DLG2: variants seen among roughly 807,000 people sequenced by gnomAD.
DLG2 encodes discs large MAGUK scaffold protein 2, also known as disks large homolog 2.
Under a neutral mutation model 132.5 loss-of-function variants are expected in DLG2, and 45 were observed. The ratio of observed to expected loss-of-function variants is 0.34; its 90% CI spans 0.27 to 0.44. The LOEUF (loss-of-function observed/expected upper bound fraction) is 0.44, where lower values mean the gene tolerates loss of function less well. Among genes scored for constraint, DLG2 ranks in the 20% least tolerant of loss-of-function variants. The pLI, the probability that DLG2 is intolerant of heterozygous loss-of-function variation, is 1.00. For synonymous variants in DLG2, 424 were observed against 419.6 expected, an observed-to-expected ratio of 1.01 and a Z score of -0.13; for missense variants, 1,045 against 1,196.9, an observed-to-expected ratio of 0.87 and a Z score of 1.87.
At chr11:84,109,708 G>T (rs746727155) in intron 9 of DLG2, among the ~76,000 whole-genome samples, 1 of 152,166 alleles carries the variant, frequency 6.6e-6, no homozygotes, top group African/African-American at 2.4e-5. Context: ...TAATAATGGA[G>T]TGAGTTCCTC....
At chr11:83,545,243 C>T (rs1251844006) in intron 19 of DLG2, among the ~76,000 whole-genome samples, 1 of 152,090 alleles carries the variant, frequency 6.6e-6, no homozygotes, top group Non-Finnish European at 1.5e-5. Flanking sequence ...GTAAAACTGG[C>T]ATAAATCATA....
intron 6 of DLG2, among the ~76,000 whole-genome samples, chr11:84,924,984 G>A (rs1018417149): frequency 5.9e-5 from 9 of 152,126 alleles, no homozygotes; most frequent in African/African-American, 2.2e-4. Flanking sequence ...ATTTCCTGCA[G>A]CTCTTCCTAA....
chr11:85,355,664 AT>A (rs1393547462), intron 3 of DLG2, among the ~76,000 whole-genome samples: 1 of 152,116 alleles, frequency 6.6e-6, no homozygotes, highest in Non-Finnish European at 1.5e-5. Context: ...CTAATTTTTT[AT>A]TTTTAATAAA....
At chr11:85,360,644 C>T (rs2084071844) in intron 3 of DLG2, among the ~76,000 whole-genome samples, 2 of 152,182 alleles carry the variant, frequency 1.3e-5, no homozygotes, top group South Asian at 4.1e-4. Flanking sequence ...TCCCACCACA[C>T]AGGAGGCTCC....
chr11:84,366,297 A>G (rs1329374287), intron 7 of DLG2, among the ~76,000 whole-genome samples: 5 of 152,108 alleles, frequency 3.3e-5, no homozygotes, highest in Admixed American at 6.6e-5. Context: ...CTGCCCTACA[A>G]GAGCTCCTGA....
chr11:83,791,051 G>A (rs1391361370), intron 17 of DLG2: 12 of 717,604 alleles, frequency 1.7e-5, no homozygotes, highest in Middle Eastern at 2.5e-4. Context: ...ACTGAAGGTC[G>A]TGGAAATCCT....
intron 2 of DLG2, among the ~76,000 whole-genome samples, chr11:85,618,919 C>T (rs191612153): frequency 6.6e-6 from 1 of 152,272 alleles, no homozygotes; most frequent in East Asian, 1.9e-4. Context: ...CCCAGAAGTT[C>T]ACACATTTTC....
At chr11:84,575,074 A>T (rs1019729476) in intron 6 of DLG2, among the ~76,000 whole-genome samples, 2 of 152,198 alleles carry the variant, frequency 1.3e-5, no homozygotes, top group Non-Finnish European at 2.9e-5. Flanking sequence ...CCGTGCTCTA[A>T]GCTGGATTCC....
intron 9 of DLG2, among the ~76,000 whole-genome samples, chr11:84,106,910 T>C (rs558521251): frequency 7.4e-6 from 1 of 134,934 alleles, no homozygotes; most frequent in Non-Finnish European, 1.6e-5. Flanking sequence ...GGGGTGTGTG[T>C]GTGAGAGAAG....
intron 7 of DLG2, among the ~76,000 whole-genome samples, chr11:84,332,677 A>C (rs573568264): frequency 6.6e-6 from 1 of 152,210 alleles, no homozygotes; most frequent in East Asian, 1.9e-4. Context: ...ATGTGTAGGA[A>C]GTTTATAGGG....
chr11:83,889,229 G>A (rs989418441), intron 15 of DLG2, among the ~76,000 whole-genome samples: 5 of 151,822 alleles, frequency 3.3e-5, no homozygotes, highest in Admixed American at 1.3e-4. Context: ...CTAATATCCA[G>A]AATCTACAAT....
At chr11:83,600,293 T>G (rs993860519) in intron 19 of DLG2, among the ~76,000 whole-genome samples, 2 of 150,702 alleles carry the variant, frequency 1.3e-5, no homozygotes, top group African/African-American at 4.9e-5. Flanking sequence ...CAGGTCTGTG[T>G]GAATCCAGCT....
chr11:84,853,659 A>G (rs990969751), intron 6 of DLG2, among the ~76,000 whole-genome samples: 18 of 152,024 alleles, frequency 1.2e-4, no homozygotes, highest in African/African-American at 4.1e-4. Flanking sequence ...CCTCTGCCAC[A>G]TGACATTAGC....
chr11:85,598,504 A>G lies in DLG2; in HGVS notation c.40+153T>C, dbSNP rs537930221. On this transcript the variant is annotated intron_variant, in intron 3 of 27. Coordinates refer to ENST00000376104, the MANE Select transcript of DLG2 (RefSeq NM_001142699.3). ...TATATAAGGAAAAGGAAAACAAAAAACAAAATAAAACAAAACAAATCTTCC... is the reference window on the plus strand; with the variant it reads ...TATATAAGGAAAAGGAAAACAAAAAGCAAAATAAAACAAAACAAATCTTCC... 2.6e-5 allele frequency among the ~76,000 whole-genome samples: 4 copies of G among 152,316 alleles called. No homozygotes were observed. The East Asian group carries it at 7.7e-4, about 29-fold the overall frequency.
chr11:85,030,908 G>C (rs111807332), intron 6 of DLG2, among the ~76,000 whole-genome samples: 470 of 151,762 alleles, frequency 3.1e-3, no homozygotes, highest in Non-Finnish European at 5.6e-3. Flanking sequence ...AATTTCCTCT[G>C]AATGAACTTT....
At chr11:84,264,249 G>A (rs1178011690) in intron 7 of DLG2, among the ~76,000 whole-genome samples, 9 of 152,176 alleles carry the variant, frequency 5.9e-5, no homozygotes, top group Admixed American at 5.9e-4. Context: ...TCCAAGCCAA[G>A]AGCCTACAAA....
chr11:85,419,017 C>T (rs1229612499), intron 3 of DLG2, among the ~76,000 whole-genome samples: 5 of 151,932 alleles, frequency 3.3e-5, no homozygotes, highest in Non-Finnish European at 5.9e-5. Context: ...TTCATAGTGT[C>T]GATGGTATTT....
chr11:85,319,260 T>C (rs567143648), intron 3 of DLG2, among the ~76,000 whole-genome samples: 2 of 151,956 alleles, frequency 1.3e-5, no homozygotes, highest in African/African-American at 4.8e-5. Context: ...TTTTAAATCT[T>C]TCTTTTTTCC....
chr11:84,289,697 AT>A (rs2097959379), intron 7 of DLG2, among the ~76,000 whole-genome samples: 1 of 152,124 alleles, frequency 6.6e-6, no homozygotes, highest in Non-Finnish European at 1.5e-5. Flanking sequence ...ATGGGAGATG[AT>A]CCACCCAGGC....
Sources: gnomAD v4.1 joint callset for allele counts (sites outside exome capture counted in the v4.1 genomes callset) on GRCh38, gnomAD v4.1.1 for gene constraint, MANE v1.5 for transcripts, NCBI Gene and HGNC (gene_info 2026-07-23, HGNC 2026-07-21) for gene names.